Variants in ARPC1A observed in about 807,000 individuals in gnomAD.
The protein encoded by ARPC1A is actin-related protein 2/3 complex subunit 1A.
ARPC1A carries 8 observed loss-of-function variants against 46.9 expected under a neutral mutation model. The observed-to-expected ratio is 0.17, with a 90% CI of 0.10 to 0.31. The LOEUF (loss-of-function observed/expected upper bound fraction) is 0.31, where lower values mean the gene tolerates loss of function less well. Ranked by LOEUF, ARPC1A falls within the 10% of genes least tolerant of loss-of-function variation. The pLI is 1.00. For missense variants in ARPC1A, 286 were observed against 483.6 expected, an observed-to-expected ratio of 0.59 and a Z score of 3.83; for synonymous variants, 152 against 169.0, an observed-to-expected ratio of 0.90 and a Z score of 0.78.
At position 99,365,945 on chromosome 7, in the gene ARPC1A, C is replaced by T. The variant is rs779224360; in HGVS notation, c.*16C>T. ...GATAATGTGAAGCTGAGTGAGCCTC[C>T]GCCATCCAGCATGACAAACTGTGGC... On this transcript the variant is annotated 3_prime_UTR_variant, in exon 10 of 10. Coordinates refer to ENST00000262942, the MANE Select transcript of ARPC1A (RefSeq NM_006409.4). 2.7e-5 allele frequency: 43 copies of T among 1,565,916 alleles called. No individual in the cohort carries two copies. The East Asian group carries it at 5.8e-4, about 21-fold the overall frequency.
intron 6 of ARPC1A, among the ~76,000 whole-genome samples, 153 bp from the exon 7 acceptor site, chr7:99,358,187 G>T (rs369245758): frequency 2.0e-5 from 3 of 152,184 alleles, no homozygotes; most frequent in South Asian, 2.1e-4. Flanking sequence ...GTCTTGAGAG[G>T]CCTGCAAGTT....
At chr7:99,365,398 C>T (rs1793818417) in intron 9 of ARPC1A, among the ~76,000 whole-genome samples, 1 of 151,922 alleles carries the variant, frequency 6.6e-6, no homozygotes, top group African/African-American at 2.4e-5. Context: ...CACAGGAGTT[C>T]GAGACCAGCC....
rs201834442 is a variant in ARPC1A at position 99,344,414 on chromosome 7, C to T, written c.291C>T (p.Arg97=). The change falls in exon 4 of 10, where the codon CGC becomes CGT. Residue 97 remains arginine (R), a synonymous_variant. Coordinates refer to ENST00000262942, the MANE Select transcript of ARPC1A (RefSeq NM_006409.4). ...KPTLVILRIN[R]AATFVKWSPL... ...CCCTGGTGATCCTGAGAATTAATCG[C>T]GCAGCTACTTTTGTGAAGTGGTCCC... is the stretch of plus-strand genomic sequence containing the variant. 127 of 1,613,838 alleles carry T rather than the reference C, an allele frequency of 7.9e-5. 1 individual carries two copies. The highest frequency in any genetic ancestry group is 4.0e-4 in the Admixed American group (24 of 59,990).
At chr7:99,337,358 T>C (rs184580177) in intron 2 of ARPC1A, among the ~76,000 whole-genome samples, 1,733 of 152,168 alleles carry the variant, frequency 0.011, 20 homozygotes, top group Admixed American at 0.016. Flanking sequence ...GAGGCGGAGG[T>C]TGCAGTAAGC....
chr7:99,338,625 C>A (rs1325002940), intron 3 of ARPC1A, among the ~76,000 whole-genome samples: 1 of 151,922 alleles, frequency 6.6e-6, no homozygotes, highest in South Asian at 2.1e-4. Context: ...ACCTCGTGAT[C>A]CTCCTGCCTC....
chr7:99,341,037 G>A (rs902677792), intron 3 of ARPC1A, among the ~76,000 whole-genome samples: 4 of 152,116 alleles, frequency 2.6e-5, no homozygotes, highest in Non-Finnish European at 2.9e-5. Context: ...GGCCGGGTGC[G>A]GTGGCTCACA....
rs115749159 is a variant in ARPC1A at position 99,349,251 on chromosome 7, C to T, written c.500+292C>T. 3.1e-3 allele frequency among the ~76,000 whole-genome samples: 469 copies of T among 152,060 alleles called. 5 individuals are homozygous for T. The highest frequency in any genetic ancestry group is 0.011 in the African/African-American group (445 of 41,520). ...AAATTGTCTTTATTCTTTGTAGAGA[C>T]GGGGTCTTGCTACATTGCCCAGGTT... On this transcript the variant is annotated intron_variant, in intron 5 of 9. Coordinates refer to ENST00000262942, the MANE Select transcript of ARPC1A (RefSeq NM_006409.4).
rs1194811610 is a variant in ARPC1A, at chr7:99,366,091, T to A, written c.*162T>A. The A allele has an allele frequency of 1.2e-6, 1 of 853,252 alleles. No individual in the cohort carries two copies. The highest frequency in any genetic ancestry group is 1.7e-5 in the African/African-American group (1 of 58,010). The allele number at this position is 853,252 out of a possible 1,614,324, so 52.9% of individuals were successfully genotyped here. ...ATATAAAATTGGTGAAAGTGTTGGT[T>A]TTTTTAAGGCAGTAATTTTTTTGTT... On this transcript the variant is annotated 3_prime_UTR_variant, in exon 10 of 10. Coordinates refer to ENST00000262942, the MANE Select transcript of ARPC1A (RefSeq NM_006409.4).
chr7:99,336,547 A>G (rs1793256983), intron 2 of ARPC1A, among the ~76,000 whole-genome samples: 1 of 131,790 alleles, frequency 7.6e-6, no homozygotes, highest in Non-Finnish European at 1.5e-5. Context: ...GCTGGAGTGC[A>G]GTGACGTGAT....
At chr7:99,338,370 T>C (rs368627099) in intron 3 of ARPC1A, 85 bp downstream of exon 3, 9 of 614,850 alleles carry the variant, frequency 1.5e-5, no homozygotes, top group African/African-American at 6.8e-5. Flanking sequence ...TAAACCCAGG[T>C]GGCCATAATT....
intron 2 of ARPC1A, chr7:99,335,471 ACTATAG>A: frequency 2.5e-6 from 1 of 402,196 alleles, no homozygotes; most frequent in Non-Finnish European, 4.9e-6. Flanking sequence ...TGTCTTGATT[ACTATAG>A]CTTGGTGGTA....
intron 8 of ARPC1A, among the ~76,000 whole-genome samples, chr7:99,360,418 C>T (rs1412437402): frequency 1.3e-5 from 2 of 151,638 alleles, no homozygotes; most frequent in Non-Finnish European, 2.9e-5. Context: ...CTCTGCCTCC[C>T]GGGTTCAAGC....
At chr7:99,327,751 T>A (rs1163064130) in intron 1 of ARPC1A, among the ~76,000 whole-genome samples, 2 of 152,184 alleles carry the variant, frequency 1.3e-5, no homozygotes, top group Non-Finnish European at 2.9e-5. Context: ...TTGATCTAGT[T>A]GTCTCATCCA....
At chr7:99,350,569 A>G (rs1015420162) in intron 5 of ARPC1A, among the ~76,000 whole-genome samples, 3 of 151,566 alleles carry the variant, frequency 2.0e-5, no homozygotes, top group Admixed American at 2.0e-4. Flanking sequence ...AGCTGAAAGG[A>G]AAGCAAAGCA....
intron 5 of ARPC1A, among the ~76,000 whole-genome samples, chr7:99,349,806 C>T (rs1329604395): frequency 6.6e-6 from 1 of 152,128 alleles, no homozygotes; most frequent in East Asian, 1.9e-4. Context: ...CACCACTGCA[C>T]TCCAGCCTGG....
chr7:99,346,065 A>T (rs1410949511), intron 4 of ARPC1A, among the ~76,000 whole-genome samples: 1 of 151,978 alleles, frequency 6.6e-6, no homozygotes, highest in African/African-American at 2.4e-5. Context: ...AATACAAAAA[A>T]ATTAACGGGG....
At chr7:99,360,327 T>A (rs1235401983) in intron 8 of ARPC1A, 2 of 132,332 alleles carry the variant, frequency 1.5e-5, no homozygotes, top group Admixed American at 7.8e-5. Flanking sequence ...GAAAGTTTAA[T>A]TTTTTTTTTT....
intron 9 of ARPC1A, among the ~76,000 whole-genome samples, chr7:99,365,254 C>A (rs1048711330): frequency 4.6e-5 from 7 of 151,646 alleles, no homozygotes; most frequent in Admixed American, 1.3e-4. Context: ...AGTTTTGAGA[C>A]CAGTTTGGGC....
chr7:99,345,168 C>G (rs1406614831), intron 4 of ARPC1A, among the ~76,000 whole-genome samples: 1 of 151,814 alleles, frequency 6.6e-6, no homozygotes, highest in East Asian at 1.9e-4. Context: ...CTCCTGACCT[C>G]ATGATCCACC....
Sources: gnomAD v4.1 joint callset for allele counts (sites outside exome capture counted in the v4.1 genomes callset) on GRCh38, gnomAD v4.1.1 for gene constraint, MANE v1.5 for transcripts, NCBI Gene and HGNC (gene_info 2026-07-23, HGNC 2026-07-21) for gene names.